Variants in ZRANB3 observed in about 807,000 individuals in gnomAD.
ZRANB3 encodes the protein zinc finger RANBP2-type containing 3, also known as DNA annealing helicase and endonuclease ZRANB3.
Under a neutral mutation model 133.8 loss-of-function variants are expected in ZRANB3, and 125 were observed. The observed-to-expected ratio is 0.93, with a 90% CI of 0.81 to 1.08. The LOEUF (loss-of-function observed/expected upper bound fraction) is 1.08. Ranked by LOEUF, ZRANB3 falls within the 50% of genes least tolerant of loss-of-function variation. The pLI is 0.00. For missense variants in ZRANB3, 1,229 were observed against 1,275.5 expected (o/e 0.96, Z 0.56); for synonymous variants, 387 against 432.7 (o/e 0.89, Z 1.31).
intron 19 of ZRANB3, among the ~76,000 whole-genome samples, chr2:135,204,498 C>T (rs1243626678): frequency 6.6e-6 from 1 of 151,370 alleles, no homozygotes; most frequent in Non-Finnish European, 1.5e-5. Flanking sequence ...ATTTGCCCAC[C>T]TCTTGAAGGA....
chr2:135,329,819 G>A (rs1684044314), intron 6 of ZRANB3, among the ~76,000 whole-genome samples: 1 of 152,118 alleles, frequency 6.6e-6, no homozygotes, highest in African/African-American at 2.4e-5. Context: ...TGTAACAATT[G>A]TGAATGGGAG....
intron 2 of ZRANB3, among the ~76,000 whole-genome samples, chr2:135,407,067 A>G (rs1688073517): frequency 6.6e-6 from 1 of 152,186 alleles, no homozygotes; most frequent in Admixed American, 6.5e-5. Context: ...ATATATCTAG[A>G]AAACCCCATC....
intron 9 of ZRANB3, among the ~76,000 whole-genome samples, chr2:135,273,318 A>T (rs907082440): frequency 1.3e-5 from 2 of 152,232 alleles, no homozygotes; most frequent in Non-Finnish European, 2.9e-5. Context: ...GTTGGAACAT[A>T]TGAATATTCA....
intron 6 of ZRANB3, among the ~76,000 whole-genome samples, chr2:135,338,232 G>A (rs1156979317): frequency 6.6e-6 from 1 of 152,168 alleles, no homozygotes; most frequent in Non-Finnish European, 1.5e-5. Flanking sequence ...GATATCATGT[G>A]CCAGGTGCCG....
chr2:135,315,864 T>C (rs1324771749), intron 6 of ZRANB3, among the ~76,000 whole-genome samples: 3 of 152,222 alleles, frequency 2.0e-5, no homozygotes, highest in Non-Finnish European at 4.4e-5. Context: ...CACATGGTGG[T>C]GTTTTAGCAG....
At chr2:135,205,562 C>T (rs1432787358) in intron 19 of ZRANB3, among the ~76,000 whole-genome samples, 3 of 152,140 alleles carry the variant, frequency 2.0e-5, no homozygotes, top group African/African-American at 4.8e-5. Flanking sequence ...CACTATATTG[C>T]TCAGGCTGGT....
intron 8 of ZRANB3, among the ~76,000 whole-genome samples, chr2:135,282,428 G>C (rs1050689177): frequency 6.6e-6 from 1 of 152,204 alleles, no homozygotes; most frequent in African/African-American, 2.4e-5. Context: ...GTAGGAGACA[G>C]CCTTCAGGAG....
chr2:135,473,430 C>T (rs934496681), intron 2 of ZRANB3, among the ~76,000 whole-genome samples: 12 of 151,946 alleles, frequency 7.9e-5, no homozygotes, highest in Admixed American at 6.6e-5. Flanking sequence ...TATGGCATAA[C>T]TGGAAAACTA....
chr2:135,242,651 AT>A (rs1695602960), intron 12 of ZRANB3, among the ~76,000 whole-genome samples: 1 of 151,812 alleles, frequency 6.6e-6, no homozygotes, highest in South Asian at 2.1e-4. Flanking sequence ...TTCTTAAATT[AT>A]TTTTTTCTTC....
At chr2:135,408,294 A>G (rs544511565) in intron 2 of ZRANB3, among the ~76,000 whole-genome samples, 20 of 152,326 alleles carry the variant, frequency 1.3e-4, no homozygotes, top group African/African-American at 4.6e-4. Flanking sequence ...CACACCAGTT[A>G]GAATGGCGAT....
At chr2:135,284,426 A>G (rs1681245580) in intron 8 of ZRANB3, among the ~76,000 whole-genome samples, 1 of 152,208 alleles carries the variant, frequency 6.6e-6, no homozygotes, top group Non-Finnish European at 1.5e-5. Context: ...GCCCAAAGAA[A>G]ACAGAATCAC....
At chr2:135,343,449 T>C (rs1294929220) in intron 6 of ZRANB3, among the ~76,000 whole-genome samples, 1 of 149,880 alleles carries the variant, frequency 6.7e-6, no homozygotes, top group Non-Finnish European at 1.5e-5. Flanking sequence ...CGTTTTCATT[T>C]TTTGTGCTAT....
At chr2:135,226,825 G>A (rs1481934089) in intron 14 of ZRANB3, among the ~76,000 whole-genome samples, 1 of 130,908 alleles carries the variant, frequency 7.6e-6, no homozygotes, top group Non-Finnish European at 1.7e-5. Flanking sequence ...GAAAACTAGA[G>A]ACACAAAAGA....
At chr2:135,392,609 T>C (rs1458021998) in intron 2 of ZRANB3, among the ~76,000 whole-genome samples, 2 of 151,762 alleles carry the variant, frequency 1.3e-5, no homozygotes, top group Non-Finnish European at 2.9e-5. Flanking sequence ...ATTAGCCAGG[T>C]GTGATGACGC....
intron 2 of ZRANB3, among the ~76,000 whole-genome samples, chr2:135,423,908 A>G (rs774210726): frequency 1.5e-4 from 23 of 152,212 alleles, no homozygotes; most frequent in Non-Finnish European, 1.2e-4. Flanking sequence ...AATCTACAGC[A>G]AAGACTGCAG....
At chr2:135,402,461 A>C (rs1157425083) in intron 2 of ZRANB3, among the ~76,000 whole-genome samples, 4 of 150,896 alleles carry the variant, frequency 2.7e-5, no homozygotes, top group Admixed American at 2.6e-4. Flanking sequence ...CGTCCGGCTA[A>C]TTTTTTGTAT....
intron 6 of ZRANB3, among the ~76,000 whole-genome samples, chr2:135,343,111 G>A (rs1380871151): frequency 1.1e-4 from 16 of 144,928 alleles, no homozygotes; most frequent in Admixed American, 6.8e-4. Flanking sequence ...GCTTGAACCC[G>A]GGAGGCAGAG....
intron 2 of ZRANB3, among the ~76,000 whole-genome samples, chr2:135,431,180 T>C (rs1558995123): frequency 6.6e-6 from 1 of 151,254 alleles, no homozygotes; most frequent in Admixed American, 6.6e-5. Context: ...TAATCCCAGC[T>C]ACTCGGGAGG....
At chr2:135,484,758 T>A (rs1463974677) in intron 2 of ZRANB3, among the ~76,000 whole-genome samples, 1 of 151,162 alleles carries the variant, frequency 6.6e-6, no homozygotes, top group Admixed American at 6.6e-5. Context: ...ATTTTAAATA[T>A]TACAGTGGCT....
Sources: allele counts gnomAD v4.1 joint callset (sites outside exome capture counted in the v4.1 genomes callset), GRCh38; gene constraint gnomAD v4.1.1; transcripts MANE v1.5; gene names NCBI Gene and HGNC (gene_info 2026-07-23, HGNC 2026-07-21).